The following PLCB4 variants were observed in gnomAD, a reference collection of about 807,000 sequenced individuals.
PLCB4 encodes the protein 1-phosphatidylinositol 4,5-bisphosphate phosphodiesterase beta-4.
In PLCB4, 77 loss-of-function variants were observed where a neutral mutation model predicts 178.8. That is an observed-to-expected ratio of 0.43 (90% confidence interval 0.36 to 0.52). PLCB4 has a LOEUF of 0.52. Ranked by LOEUF, PLCB4 falls within the 20% of genes least tolerant of loss-of-function variation. PLCB4 has a pLI of 0.00. For synonymous variants in PLCB4, 496 were observed against 490.8 expected (o/e 1.01, Z -0.14); for missense variants, 1,024 against 1,453.4 (o/e 0.70, Z 4.80).
chr20:9,086,745 A>G (rs2090439771), intron 1 of PLCB4, among the ~76,000 whole-genome samples: 1 of 152,138 alleles, frequency 6.6e-6, no homozygotes, highest in Non-Finnish European at 1.5e-5. Context: ...ATGAGCTCAG[A>G]TTAGGAGCAC....
intron 2 of PLCB4, among the ~76,000 whole-genome samples, chr20:9,136,611 G>A (rs2092389041): frequency 6.6e-6 from 1 of 152,054 alleles, no homozygotes; most frequent in South Asian, 2.1e-4. Context: ...GAATCAGTGG[G>A]AATGTGGAGG....
rs531390478 is a variant in PLCB4, at chr20:9,271,942, TG to T, written c.-15-35857del. The stretch of plus-strand genomic sequence containing the variant: ...CTATAATCTGAGCACTTTGGAAGGC[TG>T]AGGAGGGAGGATTGTTGAGCCCAGG... On this transcript the variant is annotated intron_variant, in intron 3 of 39. Transcript: ENST00000378473. Among the ~76,000 whole-genome samples, 230 of 151,570 alleles carry T rather than the reference TG, an allele frequency of 1.5e-3. 2 individuals are homozygous for T. The highest frequency in any genetic ancestry group is 5.2e-3 in the African/African-American group (214 of 41,338).
chr20:9,339,788 A>G (rs2032961816), intron 7 of PLCB4, among the ~76,000 whole-genome samples: 1 of 152,172 alleles, frequency 6.6e-6, no homozygotes, highest in Non-Finnish European at 1.5e-5. Context: ...CCCCCCTCCC[A>G]ATAAGTTATT....
At chr20:9,375,341 A>G (rs1602203472) in intron 12 of PLCB4, among the ~76,000 whole-genome samples, 1 of 152,190 alleles carries the variant, frequency 6.6e-6, no homozygotes, top group African/African-American at 2.4e-5. Flanking sequence ...AAGAATGGGC[A>G]TTGGAATGTA....
chr20:9,358,033 C>G (rs918404606), intron 7 of PLCB4, among the ~76,000 whole-genome samples: 1 of 152,180 alleles, frequency 6.6e-6, no homozygotes, highest in Admixed American at 6.5e-5. Context: ...GCATTCCTAA[C>G]AAGCTCCCAG....
chr20:9,205,848 A>T (rs944997934), intron 2 of PLCB4, among the ~76,000 whole-genome samples: 7 of 152,190 alleles, frequency 4.6e-5, no homozygotes, highest in African/African-American at 1.7e-4. Context: ...CAAGAGTGTT[A>T]TAGAAATGGA....
At chr20:9,272,246 A>G (rs1193984819) in intron 3 of PLCB4, among the ~76,000 whole-genome samples, 1 of 152,090 alleles carries the variant, frequency 6.6e-6, no homozygotes, top group Non-Finnish European at 1.5e-5. Flanking sequence ...AGGTATAACA[A>G]TTTCTTAATA....
intron 8 of PLCB4, 22 bp downstream of exon 8, chr20:9,362,997 C>G: frequency 6.5e-7 from 1 of 1,539,032 alleles, no homozygotes. Context: ...TTGCATTACT[C>G]GTTTTTCTTG....
rs56785951 is a variant in PLCB4, at chr20:9,213,128, CTTTTTTTTTTTTT to C, written c.-78-4244_-78-4232del. Among the ~76,000 whole-genome samples the C allele has an allele frequency of 3.1e-4, 11 of 35,726 alleles. No individual in the cohort carries two copies. In the East Asian group the frequency reaches 4.9e-3, roughly 16 times the overall value. 23.4% of individuals were successfully genotyped at this position (35,726 alleles called of 152,430 possible). A position where few individuals can be genotyped will look rare whatever the true frequency, so the allele number is the denominator to read the frequency against. Reference sequence around the variant, plus strand: ...TGCTTGGCTTCTCTCCGTTAGCATACTTTTTTTTTTTTTTTTTTTTTTTTTTTTTTAGACAAAG... The same window carrying C: ...TGCTTGGCTTCTCTCCGTTAGCATACTTTTTTTTTTTTTTTTTAGACAAAG... On this transcript the variant is annotated intron_variant, in intron 2 of 39. Coordinates refer to ENST00000378473, the MANE Select transcript of PLCB4 (RefSeq NM_001377142.1).
rs557365653 is a variant in PLCB4, at chr20:9,221,541, C to T, written c.-16+4089C>T. On this transcript the variant is annotated intron_variant, in intron 3 of 39. Transcript: ENST00000378473. ...TTCCATCTTCCTCCTTGCCTCACTC[C>T]TGCGGGCACATTTTTAATCCTTAGC... is the stretch of plus-strand genomic sequence containing the variant. 8.5e-5 allele frequency among the ~76,000 whole-genome samples: 13 copies of T among 152,318 alleles called. No homozygotes were observed. In the South Asian group the frequency reaches 2.7e-3, roughly 32 times the overall value.
At position 9,098,079 on chromosome 20, in the gene PLCB4, G is replaced by A. The variant is rs73089458; in HGVS notation, c.-79+1737G>A. The stretch of plus-strand genomic sequence containing the variant: ...CAAAAACCTGCTGTATGCAATTATT[G>A]CAGTGAATTGACTGCATAATAGTTA... On this transcript the variant is annotated intron_variant, in intron 2 of 39. Transcript: ENST00000378473. 8.6e-3 allele frequency among the ~76,000 whole-genome samples: 1,303 copies of A among 152,276 alleles called. 5 individuals are homozygous for A. The highest frequency in any genetic ancestry group is 0.014 in the Middle Eastern group (4 of 294).
chr20:9,424,833 T>A (rs1249341360), intron 28 of PLCB4, among the ~76,000 whole-genome samples: 1 of 152,198 alleles, frequency 6.6e-6, no homozygotes, highest in African/African-American at 2.4e-5. Context: ...ATAATTTCTA[T>A]ACTTCACTGG....
chr20:9,225,705 C>T (rs2093856005), intron 3 of PLCB4, among the ~76,000 whole-genome samples: 2 of 152,154 alleles, frequency 1.3e-5, no homozygotes, highest in Non-Finnish European at 2.9e-5. Context: ...TTTTCCAGAA[C>T]TGAAATATGG....
chr20:9,123,107 G>T (rs115910109), intron 2 of PLCB4, among the ~76,000 whole-genome samples: 4 of 151,900 alleles, frequency 2.6e-5, no homozygotes, highest in African/African-American at 9.7e-5. Context: ...CTTTACTAAG[G>T]TATTTATTAA....
chr20:9,193,434 G>A (rs1568928150), intron 2 of PLCB4, among the ~76,000 whole-genome samples: 1 of 152,180 alleles, frequency 6.6e-6, no homozygotes, highest in Non-Finnish European at 1.5e-5. Flanking sequence ...GAGCTGCCCA[G>A]GGTTATTTCC....
chr20:9,136,215 T>C (rs1461500392), intron 2 of PLCB4, among the ~76,000 whole-genome samples: 3 of 152,124 alleles, frequency 2.0e-5, no homozygotes, highest in Non-Finnish European at 4.4e-5. Flanking sequence ...TTGTCTTAGG[T>C]TGGCTTCTCC....
chr20:9,119,992 G>A (rs745354737), intron 2 of PLCB4, among the ~76,000 whole-genome samples: 4 of 152,204 alleles, frequency 2.6e-5, no homozygotes, highest in African/African-American at 4.8e-5. Context: ...ATACCAGCCG[G>A]TCGGACACAT....
At chr20:9,204,911 A>T (rs1392537667) in intron 2 of PLCB4, among the ~76,000 whole-genome samples, 1 of 152,132 alleles carries the variant, frequency 6.6e-6, no homozygotes, top group Non-Finnish European at 1.5e-5. Flanking sequence ...TGAAAAAAAA[A>T]ACCCGAATTT....
chr20:9,354,619 T>G (rs185639474), intron 7 of PLCB4, among the ~76,000 whole-genome samples: 1 of 152,228 alleles, frequency 6.6e-6, no homozygotes, highest in African/African-American at 2.4e-5. Flanking sequence ...CTTGAGAACC[T>G]CTGGCATAAT....
Sources: gnomAD v4.1 joint callset for allele counts (sites outside exome capture counted in the v4.1 genomes callset) on GRCh38, gnomAD v4.1.1 for gene constraint, MANE v1.5 for transcripts, NCBI Gene and HGNC (gene_info 2026-07-23, HGNC 2026-07-21) for gene names.